The following COP1 variants were observed in gnomAD, a reference collection of about 807,000 sequenced individuals.
COP1 encodes the protein E3 ubiquitin-protein ligase COP1.
In COP1, 24 loss-of-function variants were observed where a neutral mutation model predicts 101.3. That is an observed-to-expected ratio of 0.24 (90% confidence interval 0.17 to 0.33). COP1 has a LOEUF of 0.33. Among genes scored for constraint, COP1 ranks in the 10% least tolerant of loss-of-function variants. The probability of loss-of-function intolerance (pLI) is 1.00; values close to 1 mark genes in which losing one functional copy is unlikely to be tolerated. For synonymous variants in COP1, 347 were observed against 341.9 expected (o/e 1.01, Z -0.17); for missense variants, 663 against 906.2 (o/e 0.73, Z 3.45).
chr1:176,113,900 T>C (rs1685713907), intron 9 of COP1, among the ~76,000 whole-genome samples: 1 of 151,722 alleles, frequency 6.6e-6, no homozygotes, highest in Non-Finnish European at 1.5e-5. Context: ...GGCTAAAGTT[T>C]TAACCAGTAA....
At chr1:176,187,896 C>A (rs1202428240) in intron 1 of COP1, among the ~76,000 whole-genome samples, 1 of 152,052 alleles carries the variant, frequency 6.6e-6, no homozygotes, top group South Asian at 2.1e-4. Context: ...TCTTAACCCC[C>A]AAGGTGGTGT....
intron 11 of COP1, among the ~76,000 whole-genome samples, chr1:176,059,056 G>C (rs950086977): frequency 2.6e-5 from 4 of 152,190 alleles, no homozygotes; most frequent in Non-Finnish European, 5.9e-5. Flanking sequence ...AACTTCAAGG[G>C]ACCTTACAGG....
At chr1:176,138,567 G>T (rs1690160281) in intron 6 of COP1, among the ~76,000 whole-genome samples, 1 of 152,232 alleles carries the variant, frequency 6.6e-6, no homozygotes, top group Middle Eastern at 3.4e-3. Context: ...AATAACAGCT[G>T]CTCAATTGAT....
In COP1 at chr1:176,089,669, C is replaced by G. The variant is rs539261467; in HGVS notation, c.1027-3779G>C. Among the ~76,000 whole-genome samples, 3 of 152,250 alleles carry G rather than the reference C, an allele frequency of 2.0e-5. No individual in the cohort carries two copies. The South Asian group carries it at 6.2e-4, about 32-fold the overall frequency. ...TTAAAGCACTGCTTCACTCTGAGAC[C>G]TAAACTCTGAGTTTTTTTCTTTCTT... On this transcript the variant is annotated intron_variant, in intron 9 of 19. Transcript: ENST00000367669.
intron 18 of COP1, among the ~76,000 whole-genome samples, chr1:175,985,866 A>G (rs1283811203): frequency 2.0e-5 from 3 of 152,230 alleles, no homozygotes; most frequent in African/African-American, 7.2e-5. Flanking sequence ...GCAATAGAAT[A>G]TATCAAATTA....
At chr1:176,101,144 T>C (rs1683329622) in intron 9 of COP1, among the ~76,000 whole-genome samples, 1 of 152,124 alleles carries the variant, frequency 6.6e-6, no homozygotes, top group Admixed American at 6.5e-5. Flanking sequence ...TCCCACCCTG[T>C]AGCATGCCCC....
intron 15 of COP1, among the ~76,000 whole-genome samples, chr1:176,024,162 G>A (rs1321731120): frequency 6.6e-6 from 1 of 152,124 alleles, no homozygotes; most frequent in Non-Finnish European, 1.5e-5. Flanking sequence ...AGGAGGGTGA[G>A]GCACGAGAAT....
At chr1:176,103,976 A>G (rs562607149) in intron 9 of COP1, among the ~76,000 whole-genome samples, 2 of 152,292 alleles carry the variant, frequency 1.3e-5, no homozygotes, top group East Asian at 3.9e-4. Flanking sequence ...ATTCTCTAAA[A>G]CAATGAAAAA....
At position 175,999,736 on chromosome 1, in the gene COP1, A is replaced by G. The variant is rs190983281; in HGVS notation, c.1730-10257T>C. On this transcript the variant is annotated intron_variant, in intron 15 of 19. Transcript: ENST00000367669. ...ATTTACATTCCCACCACCACTGTACAAGGGTTCCCTTTTCTCCACATCCTC... is the reference window on the plus strand; with the variant it reads ...ATTTACATTCCCACCACCACTGTACGAGGGTTCCCTTTTCTCCACATCCTC... Among the ~76,000 whole-genome samples, 3 of 152,218 alleles carry G rather than the reference A, an allele frequency of 2.0e-5. No homozygotes were observed. The East Asian group carries it at 5.8e-4, about 29-fold the overall frequency.
At chr1:175,984,683 C>T (rs928435966) in intron 18 of COP1, among the ~76,000 whole-genome samples, 1 of 152,196 alleles carries the variant, frequency 6.6e-6, no homozygotes, top group African/African-American at 2.4e-5. Flanking sequence ...GTTAAAGCAG[C>T]CAGGAGGGAA....
At position 176,136,549 on chromosome 1, in the gene COP1, T is replaced by C; in HGVS notation, c.832-2A>G. The C allele has an allele frequency of 6.3e-7, 1 of 1,589,000 alleles. No homozygotes were observed. The highest frequency in any genetic ancestry group is 8.6e-7 in the Non-Finnish European group (1 of 1,165,632). On this transcript the variant is annotated splice_acceptor_variant, in intron 6 of 19. Coordinates refer to ENST00000367669, the MANE Select transcript of COP1 (RefSeq NM_022457.7). LOFTEE classifies it high-confidence loss of function. Reference sequence around the variant, plus strand: ...CTCCTTCTGGATCTGTTCCAGTTGCTGCAGATTAAATAGAGAGAGAAAGAC... The same window carrying C: ...CTCCTTCTGGATCTGTTCCAGTTGCCGCAGATTAAATAGAGAGAGAAAGAC...
chr1:176,147,067 C>T (rs953294530), intron 6 of COP1, among the ~76,000 whole-genome samples: 3 of 152,046 alleles, frequency 2.0e-5, no homozygotes, highest in Non-Finnish European at 2.9e-5. Flanking sequence ...AATGAAATCA[C>T]GAAGTTAATT....
chr1:176,077,458 A>C (rs1334531346), intron 11 of COP1, among the ~76,000 whole-genome samples: 1 of 152,230 alleles, frequency 6.6e-6, no homozygotes, highest in Non-Finnish European at 1.5e-5. Flanking sequence ...ACATCCCGTC[A>C]TGATAACAAC....
intron 14 of COP1, among the ~76,000 whole-genome samples, chr1:176,036,402 T>G (rs1162566172): frequency 7.1e-6 from 1 of 140,942 alleles, no homozygotes; most frequent in East Asian, 2.1e-4. Context: ...CCTAAATTAA[T>G]AAACAATAAA....
At chr1:176,156,502 T>C (rs903166040) in intron 5 of COP1, among the ~76,000 whole-genome samples, 2 of 152,134 alleles carry the variant, frequency 1.3e-5, no homozygotes, top group African/African-American at 4.8e-5. Flanking sequence ...ACTGCACTTA[T>C]TAGACTGTGT....
intron 4 of COP1, among the ~76,000 whole-genome samples, chr1:176,163,562 T>C (rs968446704): frequency 8.5e-5 from 13 of 152,082 alleles, no homozygotes; most frequent in Admixed American, 2.6e-4. Flanking sequence ...CCCAAAATAA[T>C]CCTTCAAATG....
chr1:176,046,043 A>C (rs1295893576), intron 12 of COP1, 138 bp downstream of exon 12: 1 of 587,938 alleles, frequency 1.7e-6, no homozygotes, highest in African/African-American at 2.0e-5. Flanking sequence ...GTAATAATAT[A>C]TACTCTGTAT....
At position 176,091,705 on chromosome 1, in the gene COP1, G is replaced by A. The variant is rs139123395; in HGVS notation, c.1027-5815C>T. Among the ~76,000 whole-genome samples, 399 of 151,984 alleles carry A rather than the reference G, an allele frequency of 2.6e-3. 3 individuals carry two copies. The highest frequency in any genetic ancestry group is 9.2e-3 in the African/African-American group (381 of 41,474). On this transcript the variant is annotated intron_variant, in intron 9 of 19. Transcript: ENST00000367669. Reference sequence around the variant, plus strand: ...CACAGTGATAGAACAGGTAACAATCGAACCAGAAGAGGGATGGTGGGGGAG... The same window carrying A: ...CACAGTGATAGAACAGGTAACAATCAAACCAGAAGAGGGATGGTGGGGGAG...
At chr1:175,992,319 C>T (rs567051947) in intron 15 of COP1, among the ~76,000 whole-genome samples, 7 of 152,304 alleles carry the variant, frequency 4.6e-5, no homozygotes, top group Admixed American at 1.3e-4. Flanking sequence ...GAGTGAGCGA[C>T]GCAGAAGACG....
Sources: allele counts gnomAD v4.1 joint callset (sites outside exome capture counted in the v4.1 genomes callset), GRCh38; gene constraint gnomAD v4.1.1; transcripts MANE v1.5; gene names NCBI Gene and HGNC (gene_info 2026-07-23, HGNC 2026-07-21).